C22orf42: variants seen among roughly 807,000 people sequenced by gnomAD.
C22orf42 encodes the protein uncharacterized protein C22orf42.
In C22orf42, 24 loss-of-function variants were observed where a neutral mutation model predicts 31.4. The observed-to-expected ratio is 0.77, with a 90% CI of 0.55 to 1.08. C22orf42 has a LOEUF of 1.08. C22orf42 is among the 50% of genes least tolerant of loss of function. The pLI, the probability that C22orf42 is intolerant of heterozygous loss-of-function variation, is 0.00. For missense variants in C22orf42, 276 were observed against 327.3 expected (o/e 0.84, Z 1.21); for synonymous variants, 96 against 112.7 (o/e 0.85, Z 0.94).
chr22:32,154,831 G>T (rs1283731447), intron 1 of C22orf42, among the ~76,000 whole-genome samples: 1 of 152,232 alleles, frequency 6.6e-6, no homozygotes, highest in Non-Finnish European at 1.5e-5. Context: ...ATGTCTGGGA[G>T]AATAATCCAG....
At chr22:32,150,572 A>G in intron 6 of C22orf42, 93 bp from the exon 7 acceptor site, 1 of 1,345,446 alleles carries the variant, frequency 7.4e-7, no homozygotes. Flanking sequence ...GATCATGTGC[A>G]GGTGGGCGGT....
chr22:32,159,362 T>C (rs2149515458), upstream of C22orf42: 2 of 1,438,208 alleles, frequency 1.4e-6, no homozygotes, highest in Middle Eastern at 4.6e-4. Flanking sequence ...GTCACCTGGT[T>C]GCCAGGAAAC....
intron 6 of C22orf42, 33 bp from the exon 7 acceptor site, chr22:32,150,512 T>G (rs1243285044): frequency 3.1e-6 from 5 of 1,611,350 alleles, no homozygotes; most frequent in Non-Finnish European, 4.2e-6. Flanking sequence ...AGTGCATTGG[T>G]GCTGCTGAGG....
chr22:32,151,906 G>A (rs1217399774), intron 4 of C22orf42, among the ~76,000 whole-genome samples, 161 bp downstream of exon 4: 1 of 152,046 alleles, frequency 6.6e-6, no homozygotes, highest in African/African-American at 2.4e-5. Flanking sequence ...TACTAGTGGG[G>A]TTTCTTTGAG....
At chr22:32,150,254 T>C in intron 7 of C22orf42, 65 bp downstream of exon 7, 1 of 1,491,094 alleles carries the variant, frequency 6.7e-7, no homozygotes, top group Non-Finnish European at 9.3e-7. Context: ...ATATCTTCAT[T>C]TCATTAATAA....
At chr22:32,151,817 C>G (rs1920989272) in intron 4 of C22orf42, among the ~76,000 whole-genome samples, 1 of 152,162 alleles carries the variant, frequency 6.6e-6, no homozygotes, top group Non-Finnish European at 1.5e-5. Context: ...CAGAAAGGCG[C>G]TGTACTATAG....
At chr22:32,152,939 G>C (rs1427943602) in intron 2 of C22orf42, among the ~76,000 whole-genome samples, 2 of 152,098 alleles carry the variant, frequency 1.3e-5, no homozygotes, top group Non-Finnish European at 2.9e-5. Flanking sequence ...GAAGGTCCAG[G>C]CAAATCCCCA....
rs764055742 is a variant in C22orf42, at chr22:32,150,346, A to G, written c.627T>C (p.Ser209=). 6.2e-7 allele frequency: 1 copy of G among 1,614,188 alleles called. No homozygotes were observed. Among genetic ancestry groups the G allele is most frequent in the Non-Finnish European group, 8.5e-7 (1 of 1,180,014 alleles). The stretch of plus-strand genomic sequence containing the variant: ...TCTCCGGTGTCATGAGGTCTTCAAG[A>G]GAGACAGATAGGCTTTCACTGAGAC... ...TSGLSESLSV[S]LEDLMTPEMA... is the part of the protein sequence containing the mutation. The change falls in exon 7 of 9, where the codon TCT becomes TCC. Residue 209 remains serine (S), a synonymous_variant. Transcript: ENST00000382097.
At chr22:32,149,648 AAAATAT>A in intron 8 of C22orf42, 35 bp from the exon 9 acceptor site, 2 of 1,338,588 alleles carry the variant, frequency 1.5e-6, no homozygotes, top group South Asian at 2.0e-5. Flanking sequence ...TCTCAAAAAA[AAAATAT>A]ATATATATAT....
intron 5 of C22orf42, 27 bp downstream of exon 5, chr22:32,151,460 T>C (rs764727090): frequency 1.2e-6 from 2 of 1,607,698 alleles, no homozygotes; most frequent in Non-Finnish European, 1.7e-6. Flanking sequence ...AAAGCATTTC[T>C]CTTCCAGAGA....
intron 6 of C22orf42, chr22:32,150,700 A>G (rs1160409948): frequency 8.0e-6 from 5 of 626,508 alleles, no homozygotes; most frequent in Admixed American, 2.9e-5. Flanking sequence ...AACTTCATCA[A>G]TGTGAAATAG....
At chr22:32,153,162 A>C (rs760076198) in intron 2 of C22orf42, among the ~76,000 whole-genome samples, 1 of 152,232 alleles carries the variant, frequency 6.6e-6, no homozygotes, top group South Asian at 2.1e-4. Flanking sequence ...TTCATAATCT[A>C]AGCTTCAACT....
intron 1 of C22orf42, among the ~76,000 whole-genome samples, chr22:32,157,249 G>A (rs931150925): frequency 1.3e-5 from 2 of 151,948 alleles, no homozygotes; most frequent in Non-Finnish European, 2.9e-5. Context: ...CCTCCTAGCT[G>A]GTCTCCCTGC....
intron 5 of C22orf42, among the ~76,000 whole-genome samples, chr22:32,151,281 CCAAA>C (rs1224151281): frequency 4.6e-5 from 7 of 152,198 alleles, no homozygotes; most frequent in South Asian, 2.1e-4. Flanking sequence ...ACACTCACTA[CCAAA>C]CAGTTTGTAA....
At chr22:32,149,658 T>C in intron 8 of C22orf42, 45 bp from the exon 9 acceptor site, 1 of 1,197,226 alleles carries the variant, frequency 8.4e-7, no homozygotes, top group South Asian at 2.3e-5. Flanking sequence ...AAAATATATA[T>C]ATATATATAT....
At chr22:32,156,370 A>G (rs1052255903) in intron 1 of C22orf42, among the ~76,000 whole-genome samples, 1 of 151,412 alleles carries the variant, frequency 6.6e-6, no homozygotes, top group African/African-American at 2.4e-5. Context: ...ATAAAATGCA[A>G]GAGCAGTCTA....
intron 3 of C22orf42, among the ~76,000 whole-genome samples, 199 bp downstream of exon 3, chr22:32,152,363 G>C (rs1921009640): frequency 6.6e-6 from 1 of 152,024 alleles, no homozygotes; most frequent in African/African-American, 2.4e-5. Flanking sequence ...CTACCAAACA[G>C]TTTGTAAGTG....
At chr22:32,155,012 AC>A (rs1446111964) in intron 1 of C22orf42, among the ~76,000 whole-genome samples, 21 of 152,210 alleles carry the variant, frequency 1.4e-4, no homozygotes, top group Non-Finnish European at 7.3e-5. Context: ...AGCAGGGGCT[AC>A]AACCCGTATT....
intron 1 of C22orf42, among the ~76,000 whole-genome samples, chr22:32,157,812 C>T (rs1049982233): frequency 2.6e-5 from 4 of 152,290 alleles, no homozygotes; most frequent in African/African-American, 9.6e-5. Context: ...CCAAGTCAGG[C>T]TAGTGGCTCA....
Sources: allele counts gnomAD v4.1 joint callset (sites outside exome capture counted in the v4.1 genomes callset), GRCh38; gene constraint gnomAD v4.1.1; transcripts MANE v1.5; gene names NCBI Gene and HGNC (gene_info 2026-07-23, HGNC 2026-07-21).